EML6: variants seen among roughly 807,000 people sequenced by gnomAD.
EML6 encodes the protein echinoderm microtubule-associated protein-like 6.
A neutral mutation model predicts 240.1 loss-of-function variants in EML6; 154 were observed. The ratio of observed to expected loss-of-function variants is 0.64; its 90% CI spans 0.56 to 0.73. The LOEUF is 0.73. Ranked by LOEUF, EML6 falls within the 30% of genes least tolerant of loss-of-function variation. The pLI is 0.00. For missense variants in EML6, 2,964 were observed against 2,474.6 expected, an observed-to-expected ratio of 1.20 and a Z score of -4.20; for synonymous variants, 1,148 against 899.0, an observed-to-expected ratio of 1.28 and a Z score of -4.95.
intron 7 of EML6, among the ~76,000 whole-genome samples, chr2:54,836,357 A>G (rs1054941003): frequency 9.9e-5 from 15 of 152,282 alleles, no homozygotes; most frequent in African/African-American, 3.6e-4. Flanking sequence ...GGCTTTGTGT[A>G]TCTTTCACAG....
chr2:54,763,284 T>C (rs1030880632), intron 2 of EML6, among the ~76,000 whole-genome samples: 2 of 152,214 alleles, frequency 1.3e-5, no homozygotes, highest in Admixed American at 6.5e-5. Flanking sequence ...GTTACTTGGA[T>C]TAGTTCTGTA....
chr2:54,872,853 C>A (rs1671325727), intron 16 of EML6, among the ~76,000 whole-genome samples: 1 of 152,208 alleles, frequency 6.6e-6, no homozygotes, highest in Admixed American at 6.5e-5. Context: ...AATAACCTGT[C>A]CTTTTTTGTG....
intron 2 of EML6, among the ~76,000 whole-genome samples, chr2:54,740,630 T>C (rs1025223486): frequency 1.3e-5 from 2 of 152,232 alleles, no homozygotes; most frequent in Non-Finnish European, 2.9e-5. Flanking sequence ...ATTTTCCTCA[T>C]GCTCTAGTGA....
At chr2:54,934,273 G>A (rs1675016750) in intron 28 of EML6, among the ~76,000 whole-genome samples, 2 of 152,270 alleles carry the variant, frequency 1.3e-5, no homozygotes, top group East Asian at 1.9e-4. Flanking sequence ...TTCCTACTGG[G>A]ATGTCAGTGA....
intron 29 of EML6, among the ~76,000 whole-genome samples, chr2:54,949,352 C>T (rs958042196): frequency 1.3e-5 from 2 of 152,174 alleles, no homozygotes; most frequent in African/African-American, 2.4e-5. Context: ...GACTGTTTGC[C>T]GGGTGCCCTG....
At chr2:54,795,933 C>CAT (rs2103936893) in intron 2 of EML6, among the ~76,000 whole-genome samples, 2 of 152,238 alleles carry the variant, frequency 1.3e-5, no homozygotes, top group East Asian at 3.9e-4. Flanking sequence ...CTTTCATGGA[C>CAT]ATACTCACTG....
At chr2:54,916,977 T>C (rs985850267) in intron 26 of EML6, 42 bp downstream of exon 26, 46 of 1,414,672 alleles carry the variant, frequency 3.3e-5, no homozygotes, top group Non-Finnish European at 4.2e-5. Flanking sequence ...TCAGTCTCCT[T>C]AATAACCTTA....
Position 54,829,475 on chromosome 2 carries a change from A to G in EML6, c.845A>G (p.Lys282Arg). ...IDLRETEQGY[K>R]GLSIRSVCWK... is the part of the protein sequence containing the mutation. Reference sequence around the variant, plus strand: ...CTCAGGGAGACAGAACAAGGATACAAAGGTAATATATGTGTTAAGCTTACC... The same window carrying G: ...CTCAGGGAGACAGAACAAGGATACAGAGGTAATATATGTGTTAAGCTTACC... The change falls in exon 7 of 42, where the codon AAA becomes AGA. Residue 282 changes from lysine (K) to arginine (R), a missense_variant and splice_region_variant. Transcript: ENST00000356458. 3.2e-6 allele frequency: 5 copies of G among 1,550,624 alleles called. No individual in the cohort carries two copies. The highest frequency in any genetic ancestry group is 1.4e-5 in the African/African-American group (1 of 73,156).
chr2:54,785,979 G>T (rs1351505994), intron 2 of EML6, among the ~76,000 whole-genome samples: 2 of 151,858 alleles, frequency 1.3e-5, no homozygotes, highest in African/African-American at 4.8e-5. Flanking sequence ...GCAATTTAGG[G>T]CATGGTTATG....
chr2:54,888,441 C>G (rs549151557), intron 17 of EML6, among the ~76,000 whole-genome samples: 1 of 152,200 alleles, frequency 6.6e-6, no homozygotes, highest in Non-Finnish European at 1.5e-5. Context: ...TGGGCTGATT[C>G]TGCAGTTACA....
At chr2:54,924,807 C>A (rs1217089075) in intron 26 of EML6, among the ~76,000 whole-genome samples, 1 of 152,150 alleles carries the variant, frequency 6.6e-6, no homozygotes, top group Non-Finnish European at 1.5e-5. Flanking sequence ...AGGTGATCCA[C>A]CTGCCTTGGC....
Position 54,768,514 on chromosome 2 carries a change from T to C in EML6, c.197+43256T>C, listed in dbSNP as rs1668281882. 2.6e-5 allele frequency among the ~76,000 whole-genome samples: 4 copies of C among 152,204 alleles called. No homozygotes were observed. In the South Asian group the frequency reaches 8.3e-4, roughly 32 times the overall value. On this transcript the variant is annotated intron_variant, in intron 2 of 41. Transcript: ENST00000356458. ...AACACTTGTAAACAGTTTATTTACA[T>C]TCAATGGATTATATTTAATCATTTT... is the stretch of plus-strand genomic sequence containing the variant.
chr2:54,964,847 C>G, intron 38 of EML6, 114 bp downstream of exon 38: 1 of 914,446 alleles, frequency 1.1e-6, no homozygotes, highest in Non-Finnish European at 1.6e-6. Context: ...ACTCACTCTT[C>G]ACCAGAACTC....
chr2:54,893,518 C>T (rs1403813520), intron 19 of EML6, among the ~76,000 whole-genome samples: 1 of 152,188 alleles, frequency 6.6e-6, no homozygotes, highest in African/African-American at 2.4e-5. Flanking sequence ...GTTCCCACAT[C>T]TTAGTACTGT....
At chr2:54,768,349 A>G (rs971637663) in intron 2 of EML6, among the ~76,000 whole-genome samples, 7 of 152,122 alleles carry the variant, frequency 4.6e-5, no homozygotes, top group Non-Finnish European at 7.4e-5. Flanking sequence ...AACTACTGAT[A>G]GATATGGTAT....
intron 2 of EML6, among the ~76,000 whole-genome samples, chr2:54,789,767 A>G (rs978208067): frequency 2.6e-5 from 4 of 152,216 alleles, no homozygotes; most frequent in Non-Finnish European, 5.9e-5. Context: ...AGGCTCAGAC[A>G]TGGTCCTAAT....
At position 54,954,043 on chromosome 2, in the gene EML6, G is replaced by C. The variant is rs1054073338; in HGVS notation, c.4373G>C (p.Arg1458Pro). The change falls in exon 32 of 42, where the codon CGG becomes CCG. Residue 1458 changes from arginine (R) to proline (P), a missense_variant. Transcript: ENST00000356458. ...AMTKHTLSML[R>P]CFHSKGVNYI... is the part of the protein sequence containing the mutation. Reference sequence around the variant, plus strand: ...ACCAAACACACCCTCTCCATGCTGCGGTGCTTCCACTCCAAGGGGGTGAAT... The same window carrying C: ...ACCAAACACACCCTCTCCATGCTGCCGTGCTTCCACTCCAAGGGGGTGAAT... 1 of 1,551,822 alleles carries C rather than the reference G, an allele frequency of 6.4e-7. No individual in the cohort carries two copies. The highest frequency in any genetic ancestry group is 8.7e-7 in the Non-Finnish European group (1 of 1,146,968).
chr2:54,860,334 A>G (rs1670609868), intron 12 of EML6, among the ~76,000 whole-genome samples: 1 of 152,146 alleles, frequency 6.6e-6, no homozygotes, highest in South Asian at 2.1e-4. Context: ...GTTTGATACA[A>G]GTGCTCAAGC....
chr2:54,916,674 T>C (rs1174891351), intron 25 of EML6, 85 bp from the exon 26 acceptor site: 23 of 1,099,524 alleles, frequency 2.1e-5, no homozygotes, highest in Non-Finnish European at 2.5e-5. Flanking sequence ...CAAAGTAATT[T>C]AGAATTACTC....
Sources: allele counts gnomAD v4.1 joint callset (sites outside exome capture counted in the v4.1 genomes callset), GRCh38; gene constraint gnomAD v4.1.1; transcripts MANE v1.5; gene names NCBI Gene and HGNC (gene_info 2026-07-23, HGNC 2026-07-21).